PAPPA: variants seen among roughly 807,000 people sequenced by gnomAD.
The protein encoded by PAPPA is pappalysin 1.
A neutral mutation model predicts 164.0 loss-of-function variants in PAPPA; 60 were observed. The observed-to-expected ratio is 0.37, with a 90% CI of 0.30 to 0.45. PAPPA has a LOEUF of 0.45. PAPPA is among the 20% of genes least tolerant of loss of function. The probability of loss-of-function intolerance (pLI) is 1.00; values close to 1 mark genes in which losing one functional copy is unlikely to be tolerated. For synonymous variants in PAPPA, 875 were observed against 814.1 expected (o/e 1.07, Z -1.27); for missense variants, 1,782 against 2,087.3 (o/e 0.85, Z 2.85).
chr9:116,175,485 A>G (rs1843823576), intron 1 of PAPPA, among the ~76,000 whole-genome samples: 4 of 152,250 alleles, frequency 2.6e-5, no homozygotes, highest in Admixed American at 1.3e-4. Flanking sequence ...ATCATGTTGT[A>G]CAGTATTAAT....
intron 3 of PAPPA, among the ~76,000 whole-genome samples, chr9:116,211,274 C>G (rs1257140117): frequency 6.6e-6 from 1 of 152,166 alleles, no homozygotes; most frequent in Non-Finnish European, 1.5e-5. Context: ...TAAGAGTAGG[C>G]CTTACTTTGT....
intron 9 of PAPPA, among the ~76,000 whole-genome samples, chr9:116,292,455 A>G (rs1056782635): frequency 6.6e-6 from 1 of 152,138 alleles, no homozygotes; most frequent in African/African-American, 2.4e-5. Flanking sequence ...AGGAGCCTAT[A>G]AGGTATACTG....
At chr9:116,333,578 A>G (rs1846020830) in intron 12 of PAPPA, among the ~76,000 whole-genome samples, 1 of 152,204 alleles carries the variant, frequency 6.6e-6, no homozygotes, top group African/African-American at 2.4e-5. Flanking sequence ...ATAAAAGCCA[A>G]GGGAGCAGGG....
At chr9:116,280,306 T>G (rs765095667) in intron 9 of PAPPA, among the ~76,000 whole-genome samples, 2 of 152,152 alleles carry the variant, frequency 1.3e-5, no homozygotes, top group Non-Finnish European at 2.9e-5. Context: ...ATGGAAATAC[T>G]TGGAAGTATA....
At chr9:116,236,783 A>G (rs558366456) in intron 7 of PAPPA, among the ~76,000 whole-genome samples, 1 of 152,216 alleles carries the variant, frequency 6.6e-6, no homozygotes, top group East Asian at 1.9e-4. Context: ...CCATAGCCCT[A>G]TTATTCTTAT....
chr9:116,294,697 T>C (rs1845480222), intron 9 of PAPPA, among the ~76,000 whole-genome samples: 1 of 152,214 alleles, frequency 6.6e-6, no homozygotes, highest in Non-Finnish European at 1.5e-5. Context: ...TGGGGGTGTT[T>C]CTTTTTGTTG....
At chr9:116,326,263 A>T (rs1488186404) in intron 10 of PAPPA, among the ~76,000 whole-genome samples, 2 of 152,148 alleles carry the variant, frequency 1.3e-5, no homozygotes, top group Non-Finnish European at 2.9e-5. Context: ...CCTTCACTTG[A>T]TTATTTTATG....
intron 10 of PAPPA, among the ~76,000 whole-genome samples, chr9:116,315,015 C>T (rs1845770750): frequency 1.3e-5 from 2 of 152,140 alleles, no homozygotes; most frequent in African/African-American, 4.8e-5. Flanking sequence ...ACAGGACCTG[C>T]TGTGTGGACA....
At chr9:116,184,505 C>T (rs1016269746) in intron 1 of PAPPA, among the ~76,000 whole-genome samples, 1 of 152,074 alleles carries the variant, frequency 6.6e-6, no homozygotes, top group Non-Finnish European at 1.5e-5. Flanking sequence ...CTACATCACC[C>T]CTGAACCCTC....
Position 116,271,497 on chromosome 9 carries a change from G to T in PAPPA, c.2953+81G>T, listed in dbSNP as rs984988458. The T allele has an allele frequency of 1.1e-5, 11 of 961,586 alleles. No homozygotes were observed. The highest frequency in any genetic ancestry group is 1.7e-5 in the Non-Finnish European group (10 of 591,026). 59.6% of individuals were successfully genotyped at this position (961,586 alleles called of 1,614,324 possible). On this transcript the variant is annotated intron_variant, in intron 9 of 21. Coordinates refer to ENST00000328252, the MANE Select transcript of PAPPA (RefSeq NM_002581.5). This position sits in a 1 kb window ranked among gnomAD's most constrained non-coding sequence, Gnocchi z 4.2. ...TTGGTCAATGATAATGCCAACAATAGTTATGACTAAATGATGATTCACTCC... is the reference window on the plus strand; with the variant it reads ...TTGGTCAATGATAATGCCAACAATATTTATGACTAAATGATGATTCACTCC...
chr9:116,302,910 G>A lies in PAPPA; in HGVS notation c.3107G>A (p.Cys1036Tyr). 1 of 1,614,050 alleles carries A rather than the reference G, an allele frequency of 6.2e-7. No homozygotes were observed. The highest frequency in any genetic ancestry group is 8.5e-7 in the Non-Finnish European group (1 of 1,179,982). ...TCAGTATCTCATCAAGACCAGCAAT[G>A]CCCAGGCTGGGTCATCATCGGACAG... ...NASVSHQDQQ[C>Y]PGWVIIGQPA... Residue 1036 changes from cysteine (C) to tyrosine (Y), a missense_variant, in exon 10 of 22, where the codon TGC (cysteine) becomes TAC (tyrosine). This residue lies in a region of PAPPA where 1,324 missense variants were observed against 1,656.9 expected (regional missense o/e 0.80). Coordinates refer to ENST00000328252, the MANE Select transcript of PAPPA (RefSeq NM_002581.5).
chr9:116,311,776 T>C (rs1333287029), intron 10 of PAPPA, among the ~76,000 whole-genome samples: 1 of 152,204 alleles, frequency 6.6e-6, no homozygotes, highest in African/African-American at 2.4e-5. Context: ...ATCTAATTCT[T>C]GTCAGTTCAC....
intron 1 of PAPPA, among the ~76,000 whole-genome samples, chr9:116,162,106 T>G (rs1177993149): frequency 6.6e-6 from 1 of 152,070 alleles, no homozygotes; most frequent in African/African-American, 2.4e-5. Flanking sequence ...CAGGGAGAAC[T>G]CGAGGGGAAT....
intron 8 of PAPPA, among the ~76,000 whole-genome samples, chr9:116,270,076 A>C (rs1336414964): frequency 6.6e-6 from 1 of 152,202 alleles, no homozygotes; most frequent in Non-Finnish European, 1.5e-5. Flanking sequence ...GGCCTCTTCC[A>C]TGCTGTGACA....
At position 116,265,882 on chromosome 9, in the gene PAPPA, C is replaced by A. The variant is rs1213775068; in HGVS notation, c.2758C>A (p.Gln920Lys). 6.2e-7 allele frequency: 1 copy of A among 1,606,544 alleles called. No homozygotes were observed. The highest frequency in any genetic ancestry group is 1.7e-5 in the Admixed American group (1 of 59,916). Residue 920 changes from glutamine (Q) to lysine (K), a missense_variant, in exon 8 of 22, where the codon CAG (glutamine) becomes AAG (lysine). Coordinates refer to ENST00000328252, the MANE Select transcript of PAPPA (RefSeq NM_002581.5). ...GGATCTAAATCTTGGCAGTGTGTAC[C>A]AGTATTGGGTCATAACTATTTCAGG... is the stretch of plus-strand genomic sequence containing the variant. Reference protein sequence around the residue: ...DMDLNLGSVYQYWVITISGTE... With the variant: ...DMDLNLGSVYKYWVITISGTE...
chr9:116,231,760 C>CTTTTTTTTTTT (rs1470170244), intron 6 of PAPPA, among the ~76,000 whole-genome samples: 18 of 2,816 alleles, frequency 6.4e-3, no homozygotes, highest in South Asian at 0.026. Flanking sequence ...CTTTTCTTTT[C>CTTTTTTTTTTT]TTTTTCTTTT....
chr9:116,195,851 G>A (rs866305326), intron 2 of PAPPA, among the ~76,000 whole-genome samples: 19 of 152,136 alleles, frequency 1.2e-4, no homozygotes, highest in Middle Eastern at 3.4e-3. Flanking sequence ...ACTACCAAAA[G>A]CCCTTTTATT....
intron 7 of PAPPA, among the ~76,000 whole-genome samples, chr9:116,249,595 G>C (rs1844836136): frequency 6.6e-6 from 1 of 152,124 alleles, no homozygotes; most frequent in Admixed American, 6.5e-5. Context: ...GGTAAACGAG[G>C]AAAAGCAATG....
At chr9:116,327,607 G>A (rs567657290) in intron 10 of PAPPA, among the ~76,000 whole-genome samples, 38 of 152,142 alleles carry the variant, frequency 2.5e-4, no homozygotes, top group Non-Finnish European at 3.7e-4. Flanking sequence ...AAACACAGGC[G>A]GATGAAAACA....
Sources: allele counts gnomAD v4.1 joint callset (sites outside exome capture counted in the v4.1 genomes callset), GRCh38; gene constraint gnomAD v4.1.1; regional missense constraint gnomAD v4.1.1; non-coding constraint Gnocchi (gnomAD v3.1); transcripts MANE v1.5; gene names NCBI Gene and HGNC (gene_info 2026-07-23, HGNC 2026-07-21).